The following NEGR1 variants were observed in gnomAD, a reference collection of about 807,000 sequenced individuals.
The protein encoded by NEGR1 is neuronal growth regulator 1.
A neutral mutation model predicts 40.9 loss-of-function variants in NEGR1; 10 were observed. That is an observed-to-expected ratio of 0.24 (90% CI 0.15 to 0.42). NEGR1 has a LOEUF of 0.42. Ranked by LOEUF, NEGR1 falls within the 10% of genes least tolerant of loss-of-function variation. NEGR1 has a pLI of 1.00. For synonymous variants in NEGR1, 185 were observed against 166.8 expected (o/e 1.11, Z -0.84); for missense variants, 352 against 438.9 (o/e 0.80, Z 1.77).
intron 1 of NEGR1, among the ~76,000 whole-genome samples, chr1:72,179,739 C>A (rs1652297096): frequency 6.6e-6 from 1 of 151,716 alleles, no homozygotes; most frequent in Non-Finnish European, 1.5e-5. Flanking sequence ...CATTTTTATA[C>A]ATAAATAATG....
chr1:72,106,531 G>C (rs1159577994), intron 1 of NEGR1, among the ~76,000 whole-genome samples: 1 of 143,084 alleles, frequency 7.0e-6, no homozygotes, highest in Non-Finnish European at 1.6e-5. Flanking sequence ...GAAATAAAAA[G>C]GCTGGGAGAA....
chr1:71,575,627 C>CA (rs1192043910), intron 6 of NEGR1, among the ~76,000 whole-genome samples: 1 of 151,926 alleles, frequency 6.6e-6, no homozygotes, highest in Non-Finnish European at 1.5e-5. Context: ...ACTAAAAATA[C>CA]AAAAAATTAG....
At chr1:72,245,865 C>A (rs758813782) in intron 1 of NEGR1, among the ~76,000 whole-genome samples, 7 of 152,058 alleles carry the variant, frequency 4.6e-5, no homozygotes, top group Non-Finnish European at 7.4e-5. Flanking sequence ...ATCTAGTACT[C>A]TTAACAAAAG....
chr1:71,504,843 G>A (rs923734803), intron 6 of NEGR1, among the ~76,000 whole-genome samples: 5 of 152,084 alleles, frequency 3.3e-5, no homozygotes, highest in African/African-American at 9.7e-5. Context: ...TCCTGAAGCG[G>A]GAACTAACCT....
intron 4 of NEGR1, among the ~76,000 whole-genome samples, chr1:71,619,177 A>C (rs1183774386): frequency 6.6e-6 from 1 of 152,236 alleles, no homozygotes; most frequent in South Asian, 2.1e-4. Flanking sequence ...AATTATAAAT[A>C]TATTTGGCCA....
chr1:71,739,639 TA>T (rs1655153747), intron 3 of NEGR1, among the ~76,000 whole-genome samples: 1 of 152,058 alleles, frequency 6.6e-6, no homozygotes, highest in African/African-American at 2.4e-5. Context: ...GTATCAAAAA[TA>T]AAAGTTTACT....
At chr1:71,999,078 C>T (rs1338417066) in intron 1 of NEGR1, among the ~76,000 whole-genome samples, 1 of 151,870 alleles carries the variant, frequency 6.6e-6, no homozygotes, top group East Asian at 1.9e-4. Context: ...CACACAAATG[C>T]CAGGCTTTAC....
chr1:72,196,065 T>C (rs1171659173), intron 1 of NEGR1, among the ~76,000 whole-genome samples: 1 of 152,028 alleles, frequency 6.6e-6, no homozygotes, highest in Non-Finnish European at 1.5e-5. Context: ...AAATTTGTTT[T>C]ATGACAATGA....
intron 6 of NEGR1, among the ~76,000 whole-genome samples, chr1:71,495,098 A>T (rs551595422): frequency 6.6e-6 from 1 of 152,320 alleles, no homozygotes; most frequent in South Asian, 2.1e-4. Flanking sequence ...CATAAAATAC[A>T]AAATATGTTT....
chr1:72,222,334 C>T (rs1195329426), intron 1 of NEGR1, among the ~76,000 whole-genome samples: 1 of 152,140 alleles, frequency 6.6e-6, no homozygotes, highest in Non-Finnish European at 1.5e-5. Flanking sequence ...GCTCATGGAC[C>T]ACATTAGCCA....
At chr1:71,632,140 A>G (rs1650989299) in intron 4 of NEGR1, among the ~76,000 whole-genome samples, 1 of 151,728 alleles carries the variant, frequency 6.6e-6, no homozygotes, top group Non-Finnish European at 1.5e-5. Flanking sequence ...CTCTGGTTCA[A>G]GTTATTGGCA....
In NEGR1 at chr1:71,935,274, G is replaced by A. The variant is rs753378939; in HGVS notation, c.214C>T (p.Leu72=). The A allele has an allele frequency of 1.2e-6, 2 of 1,613,840 alleles. No homozygotes were observed. Among genetic ancestry groups the A allele is most frequent in the Non-Finnish European group, 1.7e-6 (2 of 1,179,834 alleles). Residue 72 remains leucine (L), a synonymous_variant, in exon 2 of 7, where the codon CTG becomes TTG. Coordinates refer to ENST00000357731, the MANE Select transcript of NEGR1 (RefSeq NM_173808.3). ...LEDGASKGAW[L]NRSSIIFAGG... Reference sequence around the variant, plus strand: ...GCAAAAATAATACTTGACCGGTTCAGCCAGGCACCCTTTGAAGCTCCATCT... The same window carrying A: ...GCAAAAATAATACTTGACCGGTTCAACCAGGCACCCTTTGAAGCTCCATCT...
At chr1:71,966,059 A>T (rs1646207243) in intron 1 of NEGR1, among the ~76,000 whole-genome samples, 1 of 152,328 alleles carries the variant, frequency 6.6e-6, no homozygotes, top group Admixed American at 6.5e-5. Flanking sequence ...TAACTATGTT[A>T]TCCTAAGTTC....
chr1:72,172,068 A>C (rs1651982967), intron 1 of NEGR1, among the ~76,000 whole-genome samples: 1 of 152,162 alleles, frequency 6.6e-6, no homozygotes, highest in African/African-American at 2.4e-5. Context: ...TTGGAACTAA[A>C]CATTTTGATA....
intron 2 of NEGR1, among the ~76,000 whole-genome samples, chr1:71,786,516 G>A (rs902185599): frequency 6.6e-6 from 1 of 152,088 alleles, no homozygotes; most frequent in Non-Finnish European, 1.5e-5. Context: ...GTCTAAAAAA[G>A]GTTACCCACA....
intron 1 of NEGR1, among the ~76,000 whole-genome samples, chr1:72,123,827 C>A (rs760242675): frequency 4.0e-5 from 6 of 151,846 alleles, no homozygotes; most frequent in Non-Finnish European, 8.8e-5. Flanking sequence ...CACTGAACAC[C>A]TATAAAAGCA....
chr1:72,031,034 G>C (rs1451522491), intron 1 of NEGR1, among the ~76,000 whole-genome samples: 1 of 152,178 alleles, frequency 6.6e-6, no homozygotes, highest in African/African-American at 2.4e-5. Context: ...ACTGGAGTTA[G>C]ACTGTCCTGG....
At chr1:72,127,634 G>C (rs192302508) in intron 1 of NEGR1, among the ~76,000 whole-genome samples, 62 of 152,122 alleles carry the variant, frequency 4.1e-4, no homozygotes, top group Middle Eastern at 3.4e-3. Context: ...AATAAAGCCT[G>C]ACACCTTAAA....
intron 1 of NEGR1, among the ~76,000 whole-genome samples, chr1:72,257,498 T>C (rs1655313739): frequency 6.6e-6 from 1 of 152,106 alleles, no homozygotes; most frequent in Admixed American, 6.6e-5. Flanking sequence ...GAAATATACA[T>C]ACGTAACATG....
Sources: allele counts gnomAD v4.1 joint callset (sites outside exome capture counted in the v4.1 genomes callset), GRCh38; gene constraint gnomAD v4.1.1; transcripts MANE v1.5; gene names NCBI Gene and HGNC (gene_info 2026-07-23, HGNC 2026-07-21).